Variants in AKT1 observed in about 807,000 individuals in gnomAD.
The protein encoded by AKT1 is RAC-alpha serine/threonine-protein kinase.
Under a neutral mutation model 63.1 loss-of-function variants are expected in AKT1, and 21 were observed. The ratio of observed to expected loss-of-function variants is 0.33; its 90% CI spans 0.24 to 0.48. The LOEUF is 0.48. Ranked by LOEUF, AKT1 falls within the 20% of genes least tolerant of loss-of-function variation. The pLI is 0.99. For synonymous variants in AKT1, 257 were observed against 253.1 expected, an observed-to-expected ratio of 1.02 and a Z score of -0.15; for missense variants, 382 against 666.0, an observed-to-expected ratio of 0.57 and a Z score of 4.69.
rs1893851520 is a variant in AKT1 at position 104,795,560 on chromosome 14, G to C, written c.-334C>G. 1 of 145,872 alleles carries C rather than the reference G, an allele frequency of 6.9e-6. No homozygotes were observed. 9.0% of individuals were successfully genotyped at this position (145,872 alleles called of 1,614,324 possible). ...GGCGCCCGCCGCTCCGCATCCCCGCGGGCCGGCGCTGGGCGGGGCCGGGCT... is the reference window on the plus strand; with the variant it reads ...GGCGCCCGCCGCTCCGCATCCCCGCCGGCCGGCGCTGGGCGGGGCCGGGCT... On this transcript the variant is annotated 5_prime_UTR_variant, in exon 1 of 15. Transcript: ENST00000649815. The surrounding 1 kb of genome is among the most constrained non-coding windows in gnomAD (Gnocchi z 5.1).
chr14:104,783,512 A>AC (rs907233996), intron 3 of AKT1, among the ~76,000 whole-genome samples: 4 of 40,214 alleles, frequency 9.9e-5, no homozygotes, highest in South Asian at 8.5e-4. Flanking sequence ...CACCCCAGTC[A>AC]CCCCCCCAAC....
Position 104,773,500 on chromosome 14 carries a change from C to T in AKT1, c.783G>A (p.Leu261=), listed in dbSNP as rs143933508. The T allele has an allele frequency of 2.3e-5, 37 of 1,613,684 alleles. No homozygotes were observed. In the African/African-American group the frequency reaches 4.9e-4, roughly 22 times the overall value. The change falls in exon 10 of 15, where the codon CTG becomes CTA. Residue 261 remains leucine (L), a synonymous_variant. Coordinates refer to ENST00000649815, the MANE Select transcript of AKT1 (RefSeq NM_001382430.1). The stretch of plus-strand genomic sequence containing the variant: ...CGTTCTTCTCCGAGTGCAGGTAGTC[C>T]AGGGCTGACACAATCTCAGCGCCAT... ...RFYGAEIVSA[L]DYLHSEKNVV... is the part of the protein sequence containing the mutation.
chr14:104,780,345 G>A, intron 3 of AKT1, 129 bp from the exon 4 acceptor site: 1 of 1,297,592 alleles, frequency 7.7e-7, no homozygotes. Flanking sequence ...GGCAGGCGCG[G>A]TACGGGAGCT....
chr14:104,773,730 C>T (rs1346988616), intron 9 of AKT1, 150 bp from the exon 10 acceptor site: 2 of 1,305,312 alleles, frequency 1.5e-6, no homozygotes, highest in South Asian at 2.9e-5. Flanking sequence ...TCTCAGAAGC[C>T]CTAACTCAGC....
chr14:104,777,711 G>C (rs1892811492), intron 4 of AKT1: 12 of 985,668 alleles, frequency 1.2e-5, no homozygotes, highest in Non-Finnish European at 1.4e-5. Flanking sequence ...GCAGGAGGAG[G>C]CTGAGGGGCC....
intron 3 of AKT1, among the ~76,000 whole-genome samples, chr14:104,785,189 A>C (rs1054592882): frequency 6.6e-6 from 1 of 152,084 alleles, no homozygotes; most frequent in Non-Finnish European, 1.5e-5. Flanking sequence ...ACGGCAGCCC[A>C]TGAGGGGCCC....
chr14:104,769,865 G>A lies in AKT1; in HGVS notation c.*476C>T, dbSNP rs1373366051. ...TGCTGTGTGCCTGCCACCCCCAGGA[G>A]AGGGTGCTGGCCAGCATACCATAGT... On this transcript the variant is annotated 3_prime_UTR_variant, in exon 15 of 15. Transcript: ENST00000649815. The A allele has an allele frequency of 1.3e-5, 5 of 385,696 alleles. No individual in the cohort carries two copies. The highest frequency in any genetic ancestry group is 4.4e-5 in the Admixed American group (1 of 22,536). 23.9% of individuals were successfully genotyped at this position (385,696 alleles called of 1,614,324 possible). A position where few individuals can be genotyped will look rare whatever the true frequency, so the allele number is the denominator to read the frequency against.
At chr14:104,772,296 C>T in intron 13 of AKT1, 69 bp downstream of exon 13, 1 of 1,536,082 alleles carries the variant, frequency 6.5e-7, no homozygotes, top group Non-Finnish European at 9.0e-7. Context: ...GCGAGCGTGC[C>T]ACGTGCATGC....
intron 4 of AKT1, chr14:104,777,468 C>T (rs1892794728): frequency 1.1e-6 from 1 of 882,978 alleles, no homozygotes; most frequent in Non-Finnish European, 1.4e-6. Flanking sequence ...TAGAACACAT[C>T]TAGACACCTA....
intron 5 of AKT1, chr14:104,776,301 C>G: frequency 4.5e-6 from 1 of 221,332 alleles, no homozygotes. Flanking sequence ...TGTGCACCAC[C>G]ACACCCAGCT....
At chr14:104,788,808 G>A (rs1024189655) in intron 3 of AKT1, among the ~76,000 whole-genome samples, 13 of 152,190 alleles carry the variant, frequency 8.5e-5, no homozygotes, top group Admixed American at 2.0e-4. Flanking sequence ...TAACTCAGCA[G>A]GAGTGGTGAG....
In AKT1 at chr14:104,771,646, C is replaced by T. The variant is rs546096971; in HGVS notation, c.1260+719G>A. The T allele has an allele frequency of 7.7e-5, 18 of 233,442 alleles. No homozygotes were observed. The Middle Eastern group carries it at 3.8e-3, about 49-fold the overall frequency. The allele number at this position is 233,442 out of a possible 1,614,324, so 14.5% of individuals were successfully genotyped here. On this transcript the variant is annotated intron_variant, in intron 13 of 14. Coordinates refer to ENST00000649815, the MANE Select transcript of AKT1 (RefSeq NM_001382430.1). Reference sequence around the variant, plus strand: ...GTGCCCAGCTGGGTCCCAGGGCTGCCCAGCCCGACCAGCTGCACACAGCCT... The same window carrying T: ...GTGCCCAGCTGGGTCCCAGGGCTGCTCAGCCCGACCAGCTGCACACAGCCT...
At chr14:104,792,782 C>T in intron 2 of AKT1, 60 bp from the exon 3 acceptor site, 2 of 1,072,418 alleles carry the variant, frequency 1.9e-6, no homozygotes, top group Non-Finnish European at 2.8e-6. Context: ...AGCTCCTCGC[C>T]CTGGGTGAGC....
chr14:104,787,516 C>G (rs761823673), intron 3 of AKT1, among the ~76,000 whole-genome samples: 3 of 152,246 alleles, frequency 2.0e-5, no homozygotes, highest in African/African-American at 7.2e-5. Context: ...GGCCCCAAGC[C>G]GGGCCGGGTG....
intron 1 of AKT1, 60 bp from the exon 2 acceptor site, chr14:104,793,364 GC>G: frequency 4.9e-6 from 1 of 205,554 alleles, no homozygotes; most frequent in Non-Finnish European, 1.0e-5. Flanking sequence ...GGCCACTGGC[GC>G]AAACGGGAGT....
At position 104,775,054 on chromosome 14, in the gene AKT1, TGCCCCACCGCCCCG is replaced by T; in HGVS notation, c.567+8_567+21del. On this transcript the variant is annotated splice_region_variant and intron_variant, in intron 7 of 14. Coordinates refer to ENST00000649815, the MANE Select transcript of AKT1 (RefSeq NM_001382430.1). ...CCACCCCGCACCCTCATCTCCACCC[TGCCCCACCGCCCCG>T]GCCCCACCTTGGCCACGATGACTTC... 4 of 1,611,120 alleles carry T rather than the reference TGCCCCACCGCCCCG, an allele frequency of 2.5e-6. No homozygotes were observed. The highest frequency in any genetic ancestry group is 3.4e-6 in the Non-Finnish European group (4 of 1,178,038).
chr14:104,779,121 G>C (rs1284961225), intron 4 of AKT1, among the ~76,000 whole-genome samples: 4 of 152,204 alleles, frequency 2.6e-5, no homozygotes, highest in Non-Finnish European at 5.9e-5. Flanking sequence ...AGGGCGCCTG[G>C]GTCTCCATGC....
At chr14:104,774,651 G>A (rs1892605985) in intron 8 of AKT1, 1 of 472,198 alleles carries the variant, frequency 2.1e-6, no homozygotes, top group Admixed American at 3.8e-5. Flanking sequence ...CAGGGCTGCA[G>A]GGCATGGGGA....
intron 1 of AKT1, chr14:104,793,818 T>C (rs528221523): frequency 2.0e-5 from 3 of 152,478 alleles, no homozygotes; most frequent in East Asian, 3.8e-4. Context: ...TCGCATGCTC[T>C]TCCTGTGAGC....
Sources: gnomAD v4.1 joint callset for allele counts (sites outside exome capture counted in the v4.1 genomes callset) on GRCh38, gnomAD v4.1.1 for gene constraint, Gnocchi (gnomAD v3.1) non-coding constraint, MANE v1.5 for transcripts, NCBI Gene and HGNC (gene_info 2026-07-23, HGNC 2026-07-21) for gene names.